The following COL19A1 variants were observed in gnomAD, a reference collection of about 807,000 sequenced individuals.
COL19A1 encodes collagen alpha-1(XIX) chain.
A neutral mutation model predicts 190.2 loss-of-function variants in COL19A1; 159 were observed. That is an observed-to-expected ratio of 0.84 (90% confidence interval 0.73 to 0.95). The LOEUF (loss-of-function observed/expected upper bound fraction) is 0.95. Among genes scored for constraint, COL19A1 ranks in the 40% least tolerant of loss-of-function variants. COL19A1 has a pLI of 0.00. For missense variants in COL19A1, 1,418 were observed against 1,431.9 expected (o/e 0.99, Z 0.16); for synonymous variants, 509 against 458.9 (o/e 1.11, Z -1.39).
intron 14 of COL19A1, among the ~76,000 whole-genome samples, chr6:70,065,394 G>T (rs572780836): frequency 6.6e-6 from 1 of 152,096 alleles, no homozygotes; most frequent in African/African-American, 2.4e-5. Context: ...CTGGGAAAAC[G>T]GGCTAGCCGT....
intron 15 of COL19A1, among the ~76,000 whole-genome samples, chr6:70,081,671 A>T (rs1782263398): frequency 6.6e-6 from 1 of 152,200 alleles, no homozygotes; most frequent in African/African-American, 2.4e-5. Flanking sequence ...GTTAATTTGG[A>T]GATTATTTTA....
chr6:69,957,361 GA>G (rs1450140359), intron 9 of COL19A1, among the ~76,000 whole-genome samples: 1 of 152,054 alleles, frequency 6.6e-6, no homozygotes, highest in Admixed American at 6.6e-5. Flanking sequence ...TTGAATTTTG[GA>G]AAGGGTACTT....
chr6:70,065,875 C>T (rs1252260979), intron 14 of COL19A1, among the ~76,000 whole-genome samples: 3 of 152,152 alleles, frequency 2.0e-5, no homozygotes, highest in Admixed American at 6.5e-5. Context: ...TCATCACTGG[C>T]CATCAGAGAA....
chr6:69,910,899 T>C (rs940641992), intron 4 of COL19A1, among the ~76,000 whole-genome samples: 1 of 152,212 alleles, frequency 6.6e-6, no homozygotes, highest in African/African-American at 2.4e-5. Flanking sequence ...TAATTAGTTA[T>C]TATCCTTAGG....
chr6:69,964,076 GAGAAT>G (rs1225104750), intron 11 of COL19A1, among the ~76,000 whole-genome samples: 3 of 152,170 alleles, frequency 2.0e-5, no homozygotes, highest in Non-Finnish European at 1.5e-5. Flanking sequence ...AGCTAGAAAG[GAGAAT>G]AATCTCAAAT....
At chr6:70,157,722 T>G (rs1787528293) in intron 34 of COL19A1, among the ~76,000 whole-genome samples, 2 of 152,118 alleles carry the variant, frequency 1.3e-5, no homozygotes, top group Admixed American at 1.3e-4. Context: ...TTATTGTGCT[T>G]TTGCTTCCTC....
intron 14 of COL19A1, among the ~76,000 whole-genome samples, chr6:70,060,862 A>G (rs1189354927): frequency 6.6e-6 from 1 of 152,188 alleles, no homozygotes; most frequent in Non-Finnish European, 1.5e-5. Context: ...ATTGTCTTCC[A>G]CAAAACTTGT....
chr6:70,161,709 C>A (rs1433173531), intron 34 of COL19A1, among the ~76,000 whole-genome samples, 191 bp from the exon 35 acceptor site: 1 of 151,766 alleles, frequency 6.6e-6, no homozygotes, highest in East Asian at 1.9e-4. Flanking sequence ...TCACTTGCAC[C>A]CCTAAAGAAA....
intron 40 of COL19A1, among the ~76,000 whole-genome samples, chr6:70,169,823 C>A (rs1193228886): frequency 6.6e-6 from 1 of 152,136 alleles, no homozygotes; most frequent in Non-Finnish European, 1.5e-5. Context: ...TACTCATACA[C>A]ACAAAACAGC....
intron 15 of COL19A1, among the ~76,000 whole-genome samples, chr6:70,087,079 G>C (rs1183038789): frequency 6.6e-6 from 1 of 152,122 alleles, no homozygotes; most frequent in African/African-American, 2.4e-5. Flanking sequence ...TAGCAGAGTT[G>C]AGTAGTTGTG....
At chr6:70,019,658 G>A (rs1203479240) in intron 11 of COL19A1, among the ~76,000 whole-genome samples, 5 of 152,006 alleles carry the variant, frequency 3.3e-5, no homozygotes, top group African/African-American at 9.7e-5. Context: ...GGATTTCGTT[G>A]AAGTTTTTAT....
intron 15 of COL19A1, among the ~76,000 whole-genome samples, chr6:70,072,164 A>G (rs1160065899): frequency 6.6e-6 from 1 of 152,182 alleles, no homozygotes; most frequent in Non-Finnish European, 1.5e-5. Context: ...ACATTGCAAA[A>G]GAACTGGCAT....
Position 70,147,116 on chromosome 6 carries a change from G to T in COL19A1, c.1893+227G>T, listed in dbSNP as rs10214833. 0.093 allele frequency among the ~76,000 whole-genome samples: 14,143 copies of T among 152,144 alleles called. 1,185 individuals are homozygous for T. Among genetic ancestry groups the T allele is most frequent in the African/African-American group, 0.21 (8,900 of 41,502 alleles). Reference sequence around the variant, plus strand: ...GCTGGTCACACATACACTAAGTTTGGATTAGAAGCAGTCATTTAACCCTTA... The same window carrying T: ...GCTGGTCACACATACACTAAGTTTGTATTAGAAGCAGTCATTTAACCCTTA... On this transcript the variant is annotated intron_variant, in intron 27 of 50. Transcript: ENST00000620364.
intron 41 of COL19A1, 96 bp downstream of exon 41, chr6:70,172,113 T>C (rs570513144): frequency 1.9e-6 from 2 of 1,075,126 alleles, no homozygotes; most frequent in South Asian, 2.8e-5. Context: ...GTTAGGGATA[T>C]ATAAAGGAAC....
At chr6:70,135,123 A>T (rs1785769836) in intron 18 of COL19A1, among the ~76,000 whole-genome samples, 1 of 152,196 alleles carries the variant, frequency 6.6e-6, no homozygotes, top group Non-Finnish European at 1.5e-5. Context: ...AAGTTTACAG[A>T]TGAAGAACTG....
At position 70,025,613 on chromosome 6, in the gene COL19A1, T is replaced by C. The variant is rs545174918; in HGVS notation, c.1080+1933T>C. On this transcript the variant is annotated intron_variant, in intron 12 of 50. Coordinates refer to ENST00000620364, the MANE Select transcript of COL19A1 (RefSeq NM_001858.6). ...AATGAAAATTCCTTTTACAGTGGAT[T>C]CTGAAATGGATAGAATTTGGGCCTT... 5.9e-5 allele frequency among the ~76,000 whole-genome samples: 9 copies of C among 152,326 alleles called. 1 individual carries two copies. The South Asian group carries it at 1.0e-3, about 18-fold the overall frequency.
intron 4 of COL19A1, among the ~76,000 whole-genome samples, chr6:69,917,845 AT>A (rs1771413288): frequency 6.6e-6 from 1 of 152,210 alleles, no homozygotes; most frequent in African/African-American, 2.4e-5. Context: ...TCACAAAAAA[AT>A]CTCATAATGT....
chr6:69,951,559 A>G (rs1213452106), intron 9 of COL19A1, among the ~76,000 whole-genome samples: 1 of 151,956 alleles, frequency 6.6e-6, no homozygotes, highest in Non-Finnish European at 1.5e-5. Flanking sequence ...AAAGTCACAT[A>G]TCTTATGTAA....
At chr6:69,999,544 T>G (rs1017111479) in intron 11 of COL19A1, among the ~76,000 whole-genome samples, 1 of 151,962 alleles carries the variant, frequency 6.6e-6, no homozygotes, top group Non-Finnish European at 1.5e-5. Context: ...ATAAAAAAAT[T>G]TTTTTTGATT....
Sources: allele counts gnomAD v4.1 joint callset (sites outside exome capture counted in the v4.1 genomes callset), GRCh38; gene constraint gnomAD v4.1.1; transcripts MANE v1.5; gene names NCBI Gene and HGNC (gene_info 2026-07-23, HGNC 2026-07-21).